Variants in CFAP44 observed in about 807,000 individuals in gnomAD.
The protein encoded by CFAP44 is cilia- and flagella-associated protein 44.
Under a neutral mutation model 216.2 loss-of-function variants are expected in CFAP44, and 134 were observed. The observed-to-expected ratio is 0.62, with a 90% confidence interval of 0.54 to 0.72. The LOEUF (loss-of-function observed/expected upper bound fraction) is 0.72, where lower values mean the gene tolerates loss of function less well. Among genes scored for constraint, CFAP44 ranks in the 30% least tolerant of loss-of-function variants. CFAP44 has a pLI of 0.00. For missense variants in CFAP44, 2,035 were observed against 2,182.1 expected, an observed-to-expected ratio of 0.93 and a Z score of 1.34; for synonymous variants, 700 against 727.6, an observed-to-expected ratio of 0.96 and a Z score of 0.61.
intron 22 of CFAP44, among the ~76,000 whole-genome samples, chr3:113,345,178 T>A (rs1385539655): frequency 6.7e-6 from 1 of 149,624 alleles, no homozygotes; most frequent in African/African-American, 2.4e-5. Flanking sequence ...ATAGTTTGTG[T>A]ATGTGTTTTG....
intron 19 of CFAP44, among the ~76,000 whole-genome samples, chr3:113,364,163 C>G (rs1392091734): frequency 6.6e-6 from 1 of 152,056 alleles, no homozygotes; most frequent in Non-Finnish European, 1.5e-5. Context: ...TCTGTTTATT[C>G]AGGTACTGTG....
chr3:113,324,617 T>C (rs187124390), intron 28 of CFAP44, among the ~76,000 whole-genome samples: 70 of 152,240 alleles, frequency 4.6e-4, no homozygotes, highest in African/African-American at 1.6e-3. Context: ...CTTAACTTAA[T>C]AGAGTATCTA....
Position 113,287,299 on chromosome 3 carries a change from G to A in CFAP44, c.*4258C>T, listed in dbSNP as rs1262347406. 3 of 303,190 alleles carry A rather than the reference G, an allele frequency of 9.9e-6. No homozygotes were observed. The highest frequency in any genetic ancestry group is 2.0e-5 in the Non-Finnish European group (3 of 153,234). 18.8% of individuals were successfully genotyped at this position (303,190 alleles called of 1,614,324 possible). A position where few individuals can be genotyped will look rare whatever the true frequency, so the allele number is the denominator to read the frequency against. ...CAGATGGCTGGATCCGGTGCTACGG[G>A]AAACATTTTCCTAAGATGCCCATGA... is the stretch of plus-strand genomic sequence containing the variant. On this transcript the variant is annotated 3_prime_UTR_variant, in exon 35 of 35. Coordinates refer to ENST00000393845, the MANE Select transcript of CFAP44 (RefSeq NM_001164496.2).
intron 28 of CFAP44, among the ~76,000 whole-genome samples, chr3:113,312,073 GTTTTT>G (rs199653080): frequency 4.7e-4 from 59 of 126,792 alleles, no homozygotes; most frequent in African/African-American, 1.6e-3. Flanking sequence ...GTGTGTGTGT[GTTTTT>G]TTTTTTTTTT....
chr3:113,324,288 T>C (rs1950171380), intron 28 of CFAP44, among the ~76,000 whole-genome samples: 2 of 151,994 alleles, frequency 1.3e-5, no homozygotes, highest in African/African-American at 4.8e-5. Context: ...ACCCTGATAC[T>C]AAAACCAGAC....
intron 9 of CFAP44, among the ~76,000 whole-genome samples, chr3:113,403,321 G>A (rs762055916): frequency 6.6e-6 from 1 of 152,164 alleles, no homozygotes; most frequent in Non-Finnish European, 1.5e-5. Context: ...TTAGATGCTG[G>A]AGCAATGTTC....
Position 113,287,037 on chromosome 3 carries a change from T to A in CFAP44, c.*4520A>T. 1 of 777,880 alleles carries A rather than the reference T, an allele frequency of 1.3e-6. No individual in the cohort carries two copies. Among genetic ancestry groups the A allele is most frequent in the Non-Finnish European group, 2.1e-6 (1 of 475,626 alleles). The allele number at this position is 777,880 out of a possible 1,614,324, so 48.2% of individuals were successfully genotyped here. On this transcript the variant is annotated 3_prime_UTR_variant, in exon 35 of 35. Coordinates refer to ENST00000393845, the MANE Select transcript of CFAP44 (RefSeq NM_001164496.2). ...AATTCTGGAGAGACATAAGGAGTCC[T>A]ACCCGTTGAGGTTGGAGAGGGAAAA...
At chr3:113,439,705 T>G (rs1260652595) in intron 1 of CFAP44, among the ~76,000 whole-genome samples, 1 of 152,232 alleles carries the variant, frequency 6.6e-6, no homozygotes, top group African/African-American at 2.4e-5. Flanking sequence ...AAAATAATAG[T>G]ACACATTGAT....
chr3:113,350,164 C>A (rs1478434199), intron 22 of CFAP44, among the ~76,000 whole-genome samples: 1 of 148,546 alleles, frequency 6.7e-6, no homozygotes, highest in Non-Finnish European at 1.5e-5. Flanking sequence ...AGAGAAAGAC[C>A]AGCAGAGAGG....
Position 113,344,695 on chromosome 3 carries a change from T to G in CFAP44, c.3083A>C (p.Glu1028Ala). ...KLKNRFRDPL[E>A]SDTIVVHAIL... ...GGCATGAACCACAATAGTATCACTT[T>G]CCAGTGGATCTCGAAATCTGAAAAA... Residue 1028 changes from glutamate to alanine, a missense_variant, in exon 23 of 35, where the codon GAA (glutamate) becomes GCA (alanine). Transcript: ENST00000393845. The G allele has an allele frequency of 6.7e-7, 1 of 1,497,300 alleles. No individual in the cohort carries two copies. The highest frequency in any genetic ancestry group is 8.8e-7 in the Non-Finnish European group (1 of 1,131,652). The allele number at this position is 1,497,300 out of a possible 1,614,324, so 92.8% of individuals were successfully genotyped here.
At position 113,333,663 on chromosome 3, in the gene CFAP44, T is replaced by C. The variant is rs1460743450; in HGVS notation, c.3438-80A>G. On this transcript the variant is annotated intron_variant, in intron 24 of 34. Transcript: ENST00000393845. The stretch of plus-strand genomic sequence containing the variant: ...TTGTCTACTTTAATATAGGCATATA[T>C]TCAAATTTAATCATGAAACAAAAGT... 6.0e-6 allele frequency: 8 copies of C among 1,333,142 alleles called. No homozygotes were observed. The African/African-American group carries it at 1.0e-4, about 17-fold the overall frequency. The allele number at this position is 1,333,142 out of a possible 1,614,324, so 82.6% of individuals were successfully genotyped here.
At chr3:113,298,312 C>T (rs1949901766) in intron 32 of CFAP44, among the ~76,000 whole-genome samples, 1 of 152,234 alleles carries the variant, frequency 6.6e-6, no homozygotes, top group South Asian at 2.1e-4. Flanking sequence ...TTCCCCATGG[C>T]TGTGAGCTGT....
At chr3:113,312,051 G>C (rs1950044084) in intron 28 of CFAP44, among the ~76,000 whole-genome samples, 1 of 149,258 alleles carries the variant, frequency 6.7e-6, no homozygotes, top group Non-Finnish European at 1.5e-5. Flanking sequence ...ATTCAGTTTT[G>C]TGTGTGTCTG....
chr3:113,338,255 C>CAAAAAAAAAAAAAAAAAA (rs10574877), intron 24 of CFAP44, among the ~76,000 whole-genome samples: 5 of 43,042 alleles, frequency 1.2e-4, no homozygotes, highest in Non-Finnish European at 1.5e-4. Context: ...GACAATGTCT[C>CAAAAAAAAAAAAAAAAAA]AAAAAAAAAA....
intron 23 of CFAP44, 82 bp downstream of exon 23, chr3:113,344,434 G>T: frequency 1.6e-6 from 2 of 1,217,778 alleles, no homozygotes; most frequent in Non-Finnish European, 2.3e-6. Flanking sequence ...CACCAAAGAA[G>T]GTTCAATGGT....
chr3:113,298,349 T>C (rs1366353968), intron 32 of CFAP44, among the ~76,000 whole-genome samples: 1 of 152,236 alleles, frequency 6.6e-6, no homozygotes, highest in Non-Finnish European at 1.5e-5. Context: ...AGAGAACTTA[T>C]TCCTTCTCAC....
intron 28 of CFAP44, among the ~76,000 whole-genome samples, chr3:113,310,715 G>A (rs1559907368): frequency 1.3e-5 from 2 of 152,146 alleles, no homozygotes; most frequent in Non-Finnish European, 2.9e-5. Context: ...GGATCATCAG[G>A]GAGGAATCCC....
intron 9 of CFAP44, 137 bp from the exon 10 acceptor site, chr3:113,401,876 TAAGAACACCAGCCAAA>T: frequency 1.1e-6 from 1 of 938,744 alleles, no homozygotes; most frequent in Non-Finnish European, 1.5e-6. Flanking sequence ...ACAAGTGTGA[TAAGAACACCAGCCAAA>T]ACCTGACCCC....
In CFAP44 at chr3:113,396,675, C is replaced by G. The variant is rs373132679; in HGVS notation, c.1622G>C (p.Arg541Pro). Residue 541 changes from arginine (R) to proline (P), a missense_variant, in exon 14 of 35, where the codon CGA becomes CCA. Arg to Pro is a moderately radical substitution (Grantham distance 103, BLOSUM62 -2). This residue lies in a region of CFAP44 where 1,883 missense variants were observed against 2,023.7 expected (regional missense o/e 0.93). Transcript: ENST00000393845. ...TTTTGGATCATAAAGTTCAAGAATT[C>G]GAACAACTCCATCTTCAAATCCTAC... Reference protein sequence around the residue: ...IIVGFEDGVVRILELYDPKGL... With the variant: ...IIVGFEDGVVPILELYDPKGL... The G allele has an allele frequency of 1.2e-6, 2 of 1,613,904 alleles. No individual in the cohort carries two copies.
Sources: gnomAD v4.1 joint callset for allele counts (sites outside exome capture counted in the v4.1 genomes callset) on GRCh38, gnomAD v4.1.1 for gene constraint, gnomAD v4.1.1 regional missense constraint, MANE v1.5 for transcripts, NCBI Gene and HGNC (gene_info 2026-07-23, HGNC 2026-07-21) for gene names.